Variants in SSX5 observed in about 807,000 individuals in gnomAD.
SSX5 encodes the protein protein SSX5.
A neutral mutation model predicts 14.9 loss-of-function variants in SSX5; 14 were observed. That is an observed-to-expected ratio of 0.94 (90% confidence interval 0.62 to 1.47). The LOEUF is 1.47. Among genes scored for constraint, SSX5 ranks in the 40% most tolerant of loss-of-function variants. The probability of loss-of-function intolerance (pLI) is 0.00; values close to 1 mark genes in which losing one functional copy is unlikely to be tolerated. For synonymous variants in SSX5, 70 were observed against 55.4 expected (o/e 1.26, Z -1.17); for missense variants, 204 against 154.6 (o/e 1.32, Z -1.70).
chrX:48,196,541 G>A (rs1471740009), intron 1 of SSX5, among the ~76,000 whole-genome samples, 190 bp downstream of exon 1: 2 of 109,744 alleles, frequency 1.8e-5, no homozygotes, highest in South Asian at 3.9e-4. Context: ...ACCGCGCCCC[G>A]CCCAAATTTC....
intron 2 of SSX5, 139 bp downstream of exon 2, chrX:48,195,151 G>A (rs1556925580): frequency 2.5e-6 from 3 of 1,211,520 alleles, no homozygotes; most frequent in East Asian, 3.0e-5. Context: ...CAGAGCGAGA[G>A]TGAGAGGCTC....
intron 3 of SSX5, among the ~76,000 whole-genome samples, 185 bp from the exon 4 acceptor site, chrX:48,194,409 A>G (rs1556925403): frequency 8.6e-5 from 1 of 11,585 alleles, no homozygotes; most frequent in East Asian, 0.023. Context: ...CTGAGACTCT[A>G]AGTCAAAAAA....
chrX:48,192,844 G>C (rs1556925060), intron 4 of SSX5, among the ~76,000 whole-genome samples: 2 of 112,453 alleles, frequency 1.8e-5, no homozygotes, highest in Admixed American at 9.5e-5. Context: ...CGAGTAATAG[G>C]TCTATTGGAG....
intron 6 of SSX5, among the ~76,000 whole-genome samples, chrX:48,188,549 C>T (rs1253931485): frequency 5.3e-5 from 6 of 112,416 alleles, no homozygotes; most frequent in African/African-American, 9.7e-5. Flanking sequence ...ACTGCTCCAC[C>T]GATGAGCTCT....
intron 6 of SSX5, among the ~76,000 whole-genome samples, chrX:48,189,852 C>G (rs1447393000): frequency 8.9e-6 from 1 of 112,126 alleles, no homozygotes; most frequent in African/African-American, 3.2e-5. Flanking sequence ...TGCCTCCAAA[C>G]AATTTATGAA....
At chrX:48,188,397 T>C (rs1253214915) in intron 6 of SSX5, among the ~76,000 whole-genome samples, 10 of 112,294 alleles carry the variant, frequency 8.9e-5, no homozygotes, top group African/African-American at 3.2e-4. Context: ...ATCAATCCAT[T>C]TACACTCTTT....
intron 1 of SSX5, among the ~76,000 whole-genome samples, chrX:48,196,326 C>T (rs1556925831): frequency 9.2e-6 from 1 of 108,552 alleles, no homozygotes; most frequent in East Asian, 2.9e-4. Flanking sequence ...CCTGTAGTCC[C>T]AAGGCCTAGG....
chrX:48,193,828 G>T (rs1439277216), intron 4 of SSX5, among the ~76,000 whole-genome samples: 8 of 31,887 alleles, frequency 2.5e-4, no homozygotes, highest in Admixed American at 1.5e-3. Flanking sequence ...ATCCCTGCCC[G>T]CCCTCCCTCC....
intron 6 of SSX5, among the ~76,000 whole-genome samples, chrX:48,188,614 C>T (rs1334992404): frequency 4.5e-5 from 5 of 111,589 alleles, no homozygotes; most frequent in African/African-American, 1.3e-4. Flanking sequence ...CATATCAACA[C>T]CGAAATTAGG....
chrX:48,189,081 G>A (rs146142331), intron 6 of SSX5, among the ~76,000 whole-genome samples: 199 of 111,908 alleles, frequency 1.8e-3, no homozygotes, highest in African/African-American at 6.1e-3. Flanking sequence ...TGGTTCATGA[G>A]GTTTAAGGAA....
At chrX:48,190,416 G>A in intron 5 of SSX5, 148 bp from the exon 6 acceptor site, 1 of 739,422 alleles carries the variant, frequency 1.4e-6, no homozygotes, top group Non-Finnish European at 1.9e-6. Context: ...GGAGAAACCT[G>A]GGAGGGGAGG....
At position 48,192,189 on chromosome X, in the gene SSX5, G is replaced by C. The variant is rs201045038; in HGVS notation, c.330+43C>G. 1.7e-5 allele frequency: 21 copies of C among 1,207,448 alleles called. No individual in the cohort carries two copies. In the East Asian group the frequency reaches 5.0e-4, roughly 29 times the overall value. ...CTCTTACAGGGTTCACATTCGTGAA[G>C]GGACAAAGGTTCTCTGGTCCTTTAG... On this transcript the variant is annotated intron_variant, in intron 5 of 7. Transcript: ENST00000347757.
intron 5 of SSX5, 63 bp downstream of exon 5, chrX:48,192,169 A>C (rs2059422465): frequency 8.3e-7 from 1 of 1,202,573 alleles, no homozygotes; most frequent in Admixed American, 2.2e-5. Context: ...TCCCACTCTT[A>C]CAGGGTTCAC....
chrX:48,195,180 C>T (rs377334775), intron 2 of SSX5, 110 bp downstream of exon 2: 1 of 1,210,154 alleles, frequency 8.3e-7, no homozygotes, highest in Non-Finnish European at 1.1e-6. Context: ...CCAGATGTCC[C>T]CGGAGACCCT....
At chrX:48,195,168 T>G in intron 2 of SSX5, 122 bp downstream of exon 2, 1 of 1,210,849 alleles carries the variant, frequency 8.3e-7, no homozygotes, top group Non-Finnish European at 1.1e-6. Context: ...GCTCCCAAGG[T>G]TCCAGATGTC....
At chrX:48,188,338 T>C (rs1369476988) in intron 6 of SSX5, among the ~76,000 whole-genome samples, 1 of 112,687 alleles carries the variant, frequency 8.9e-6, no homozygotes, top group Non-Finnish European at 1.9e-5. Flanking sequence ...AAAAATCACA[T>C]CATGGAAAAT....
In SSX5 at chrX:48,193,256, CT is replaced by C. The variant is rs58651460; in HGVS notation, c.280+872del. 8.2e-4 allele frequency among the ~76,000 whole-genome samples: 84 copies of C among 102,019 alleles called. 1 individual carries two copies. Among genetic ancestry groups the C allele is most frequent in the Middle Eastern group, 5.1e-3 (1 of 195 alleles). The allele number at this position is 102,019 out of a possible 115,157, so 88.6% of individuals were successfully genotyped here. A position where few individuals can be genotyped will look rare whatever the true frequency, so the allele number is the denominator to read the frequency against. On this transcript the variant is annotated intron_variant, in intron 4 of 7. Transcript: ENST00000347757. ...GGCGGATCTACAGTTGTAACATTTT[CT>C]TTTTTTTTTTTCACTTGTAACATTT...
chrX:48,188,431 G>GT (rs2059407267), intron 6 of SSX5, among the ~76,000 whole-genome samples: 1 of 112,084 alleles, frequency 8.9e-6, no homozygotes, highest in South Asian at 3.7e-4. Flanking sequence ...GCACAATTAA[G>GT]TTATTATTGA....
Position 48,194,027 on chromosome X carries a change from T to C in SSX5, c.280+102A>G, listed in dbSNP as rs1601922060. The stretch of plus-strand genomic sequence containing the variant: ...TTTTTTTTTTTTCACTCAGCCCTGA[T>C]GTGTATGAGGGAACAAATGCCTGAG... On this transcript the variant is annotated intron_variant, in intron 4 of 7. Transcript: ENST00000347757. 5.8e-6 allele frequency: 6 copies of C among 1,028,401 alleles called. No individual in the cohort carries two copies. In the East Asian group the frequency reaches 1.5e-4, roughly 26 times the overall value. The allele number at this position is 1,028,401 out of a possible 1,213,427, so 84.8% of individuals were successfully genotyped here. A position where few individuals can be genotyped will look rare whatever the true frequency, so the allele number is the denominator to read the frequency against.
Sources: allele counts gnomAD v4.1 joint callset (sites outside exome capture counted in the v4.1 genomes callset), GRCh38; gene constraint gnomAD v4.1.1; transcripts MANE v1.5; gene names NCBI Gene and HGNC (gene_info 2026-07-23, HGNC 2026-07-21).